PWWP2B: variants seen among roughly 807,000 people sequenced by gnomAD.
PWWP2B encodes the protein PWWP domain-containing protein 2B.
In PWWP2B, 9 loss-of-function variants were observed where a neutral mutation model predicts 15.5. The observed-to-expected ratio is 0.58, with a 90% CI of 0.35 to 1.02. The LOEUF (loss-of-function observed/expected upper bound fraction) is 1.02, where lower values mean the gene tolerates loss of function less well. Ranked by LOEUF, PWWP2B falls within the 50% of genes least tolerant of loss-of-function variation. The probability of loss-of-function intolerance (pLI) is 0.02; values close to 1 mark genes in which losing one functional copy is unlikely to be tolerated. For missense variants in PWWP2B, 864 were observed against 865.3 expected (o/e 1.00, Z 0.02); for synonymous variants, 474 against 403.6 (o/e 1.17, Z -2.09).
chr10:132,405,524 G>C lies in PWWP2B; in HGVS notation c.1024G>C (p.Asp342His). Residue 342 changes from aspartate to histidine, a missense_variant, in exon 2 of 3, where the codon GAC becomes CAC. Asp to His is a moderately conservative substitution (Grantham distance 81). This residue lies in a region of PWWP2B where 736 missense variants were observed against 687.7 expected (regional missense o/e 1.07). Coordinates refer to ENST00000305233, the MANE Select transcript of PWWP2B (RefSeq NM_138499.4). Reference sequence around the variant, plus strand: ...CCGCCTGAAGCCCCACCGTCTGGGGGACAGCGAGCACGAGCCCGTGTACCG... The same window carrying C: ...CCGCCTGAAGCCCCACCGTCTGGGGCACAGCGAGCACGAGCCCGTGTACCG... ...KIRLKPHRLG[D>H]SEHEPVYRAE... 1 of 1,603,618 alleles carries C rather than the reference G, an allele frequency of 6.2e-7. No homozygotes were observed. Among genetic ancestry groups the C allele is most frequent in the Non-Finnish European group, 8.5e-7 (1 of 1,179,074 alleles).
chr10:132,401,118 C>T (rs925857826), intron 1 of PWWP2B, among the ~76,000 whole-genome samples: 7 of 152,346 alleles, frequency 4.6e-5, no homozygotes, highest in African/African-American at 1.4e-4. Context: ...TGAGTTAAGG[C>T]TCGGCCACTT....
At chr10:132,403,046 GC>G (rs2069633178) in intron 1 of PWWP2B, among the ~76,000 whole-genome samples, 1 of 152,258 alleles carries the variant, frequency 6.6e-6, no homozygotes, top group South Asian at 2.1e-4. Flanking sequence ...GTTGAAGGCA[GC>G]CCGCTTCCCA....
chr10:132,412,882 A>G (rs2069799914), intron 2 of PWWP2B, among the ~76,000 whole-genome samples: 1 of 152,194 alleles, frequency 6.6e-6, no homozygotes, highest in Non-Finnish European at 1.5e-5. Flanking sequence ...GTTTGCTAAC[A>G]TATCTAGTTG....
In PWWP2B at chr10:132,405,622, C is replaced by G. The variant is rs374025458; in HGVS notation, c.1122C>G (p.Ala374=). Residue 374 remains alanine, a synonymous_variant, in exon 2 of 3, where the codon GCC becomes GCG. Transcript: ENST00000305233. ...CGGCGCCCTGTGCGGACGGCCCTGC[C>G]GGTGGGCTGGCGGACTTGTCTTCTG... ...SSPAPCADGP[A]GGLADLSSGS... The G allele has an allele frequency of 1.6e-4, 258 of 1,612,158 alleles. 3 individuals are homozygous for G. The South Asian group carries it at 1.8e-3, about 11-fold the overall frequency.
At chr10:132,409,945 G>T (rs2069756043) in intron 2 of PWWP2B, among the ~76,000 whole-genome samples, 1 of 152,128 alleles carries the variant, frequency 6.6e-6, no homozygotes, top group African/African-American at 2.4e-5. Flanking sequence ...GGAGGGCAGG[G>T]CATGTTCCAG....
intron 2 of PWWP2B, among the ~76,000 whole-genome samples, chr10:132,407,543 G>A (rs1245022217): frequency 6.6e-6 from 1 of 152,218 alleles, no homozygotes; most frequent in African/African-American, 2.4e-5. Context: ...TGGGGTTCCG[G>A]CGGAAGCAGT....
chr10:132,417,546 A>G lies in PWWP2B; in HGVS notation c.*502A>G, dbSNP rs546547211. ...TCTCCCGCAGGCTTCAGAAAAACCC[A>G]ATTGCACGTGTGGGATTCTTCCCCA... On this transcript the variant is annotated 3_prime_UTR_variant, in exon 3 of 3. Coordinates refer to ENST00000305233, the MANE Select transcript of PWWP2B (RefSeq NM_138499.4). 1,360 of 159,454 alleles carry G rather than the reference A, an allele frequency of 8.5e-3. 15 individuals carry two copies. The highest frequency in any genetic ancestry group is 0.011 in the Non-Finnish European group (791 of 72,526). The allele number at this position is 159,454 out of a possible 1,614,324, so 9.9% of individuals were successfully genotyped here. A position where few individuals can be genotyped will look rare whatever the true frequency, so the allele number is the denominator to read the frequency against.
intron 2 of PWWP2B, among the ~76,000 whole-genome samples, chr10:132,416,023 T>C (rs1317181096): frequency 6.6e-6 from 1 of 152,236 alleles, no homozygotes. Context: ...CGCGTGCCGC[T>C]GGGCTTCCTC....
chr10:132,405,601 G>T lies in PWWP2B; in HGVS notation c.1101G>T (p.Ala367=). ...GGTACCTGCGGGACAGCTCGCCGGC[G>T]CCCTGTGCGGACGGCCCTGCCGGTG... ...LNGYLRDSSP[A]PCADGPAGGL... is the part of the protein sequence containing the mutation. Residue 367 remains alanine, a synonymous_variant, in exon 2 of 3, where the codon GCG becomes GCT. Transcript: ENST00000305233. The T allele has an allele frequency of 6.2e-7, 1 of 1,611,212 alleles. No individual in the cohort carries two copies.
chr10:132,408,113 C>T (rs956190483), intron 2 of PWWP2B, among the ~76,000 whole-genome samples: 1 of 152,256 alleles, frequency 6.6e-6, no homozygotes, highest in Non-Finnish European at 1.5e-5. Flanking sequence ...GGGGCAGTGC[C>T]TGCACACGGG....
intron 2 of PWWP2B, among the ~76,000 whole-genome samples, chr10:132,413,261 A>C (rs539939172): frequency 6.6e-6 from 1 of 152,388 alleles, no homozygotes; most frequent in African/African-American, 2.4e-5. Flanking sequence ...TAGGTGTGTA[A>C]AATATTTAAA....
At position 132,405,609 on chromosome 10, in the gene PWWP2B, C is replaced by T. The variant is rs1420808472; in HGVS notation, c.1109C>T (p.Ala370Val). 1 of 1,611,562 alleles carries T rather than the reference C, an allele frequency of 6.2e-7. No individual in the cohort carries two copies. ...YLRDSSPAPC[A>V]DGPAGGLADL... ...CGGGACAGCTCGCCGGCGCCCTGTG[C>T]GGACGGCCCTGCCGGTGGGCTGGCG... Residue 370 changes from alanine (A) to valine (V), a missense_variant, in exon 2 of 3, where the codon GCG becomes GTG. Coordinates refer to ENST00000305233, the MANE Select transcript of PWWP2B (RefSeq NM_138499.4).
At chr10:132,400,676 G>A (rs896006515) in intron 1 of PWWP2B, among the ~76,000 whole-genome samples, 1 of 152,234 alleles carries the variant, frequency 6.6e-6, no homozygotes, top group African/African-American at 2.4e-5. Context: ...GGTGTCTGCA[G>A]GGCTACAGGG....
At chr10:132,413,318 A>G (rs2069805877) in intron 2 of PWWP2B, among the ~76,000 whole-genome samples, 1 of 152,242 alleles carries the variant, frequency 6.6e-6, no homozygotes. Flanking sequence ...TATATGTAAT[A>G]CTATTCTGAT....
Position 132,404,632 on chromosome 10 carries a change from C to T in PWWP2B, c.132C>T (p.Gly44=). Residue 44 remains glycine (G), a synonymous_variant, in exon 2 of 3, where the codon GGC becomes GGT. Coordinates refer to ENST00000305233, the MANE Select transcript of PWWP2B (RefSeq NM_138499.4). The part of the protein sequence containing the change: ...GILLDCTKKS[G]LFGLPPLAPL... ...TCTCTCTCTCCATTGCCAGGTCCGG[C>T]CTCTTTGGCCTACCCCCGTTGGCTC... 6.2e-7 allele frequency: 1 copy of T among 1,612,794 alleles called. No homozygotes were observed. Among genetic ancestry groups the T allele is most frequent in the South Asian group, 1.1e-5 (1 of 91,078 alleles).
chr10:132,412,187 G>A (rs2069790094), intron 2 of PWWP2B, among the ~76,000 whole-genome samples: 1 of 152,218 alleles, frequency 6.6e-6, no homozygotes, highest in South Asian at 2.1e-4. Context: ...CTGGGACATG[G>A]GGGACTTTCC....
At chr10:132,407,097 AC>A (rs1462852119) in intron 2 of PWWP2B, among the ~76,000 whole-genome samples, 1 of 151,906 alleles carries the variant, frequency 6.6e-6, no homozygotes, top group African/African-American at 2.4e-5. Context: ...TGGGGGCACC[AC>A]CCATGCCCCT....
At chr10:132,404,605 T>C (rs2069656594) in intron 1 of PWWP2B, 21 bp from the exon 2 acceptor site, 1 of 1,605,390 alleles carries the variant, frequency 6.2e-7, no homozygotes, top group African/African-American at 1.3e-5. Context: ...CTCACTGTGG[T>C]TTCTCTCTCT....
Position 132,405,225 on chromosome 10 carries a change from C to G in PWWP2B, c.725C>G (p.Ala242Gly). 6.2e-7 allele frequency: 1 copy of G among 1,600,696 alleles called. No individual in the cohort carries two copies. Among genetic ancestry groups the G allele is most frequent in the Non-Finnish European group, 8.5e-7 (1 of 1,174,954 alleles). ...SKRERREEDR[A>G]PAEQVPRSPV... ...AGGGAGAGGCGCGAGGAGGACAGGG[C>G]CCCGGCAGAGCAGGTCCCGCGGAGC... The change falls in exon 2 of 3, where the codon GCC (alanine) becomes GGC (glycine). Residue 242 changes from alanine (A) to glycine (G), a missense_variant. Physicochemically the swap from Ala to Gly is moderately conservative, Grantham distance 60. This residue lies in a region of PWWP2B where 736 missense variants were observed against 687.7 expected (regional missense o/e 1.07). Coordinates refer to ENST00000305233, the MANE Select transcript of PWWP2B (RefSeq NM_138499.4).
Sources: allele counts gnomAD v4.1 joint callset (sites outside exome capture counted in the v4.1 genomes callset), GRCh38; gene constraint gnomAD v4.1.1; regional missense constraint gnomAD v4.1.1; transcripts MANE v1.5; gene names NCBI Gene and HGNC (gene_info 2026-07-23, HGNC 2026-07-21).